Variants in CDH4 observed in about 807,000 individuals in gnomAD.
CDH4 encodes the protein cadherin 4.
In CDH4, 33 loss-of-function variants were observed where a neutral mutation model predicts 86.0. The observed-to-expected ratio is 0.38, with a 90% CI of 0.29 to 0.51. CDH4 has a LOEUF of 0.51. CDH4 is among the 20% of genes least tolerant of loss of function. The pLI is 0.86. For missense variants in CDH4, 1,114 were observed against 1,307.4 expected (o/e 0.85, Z 2.28); for synonymous variants, 555 against 549.4 (o/e 1.01, Z -0.14).
At chr20:61,715,247 A>G (rs1332186182) in intron 2 of CDH4, among the ~76,000 whole-genome samples, 4 of 152,168 alleles carry the variant, frequency 2.6e-5, no homozygotes, top group African/African-American at 9.7e-5. Flanking sequence ...CTCACTTTTG[A>G]TGGGATTGTT....
intron 7 of CDH4, among the ~76,000 whole-genome samples, chr20:61,884,918 A>G (rs1984472640): frequency 6.6e-6 from 1 of 152,080 alleles, no homozygotes; most frequent in African/African-American, 2.4e-5. Flanking sequence ...CCGGGCTAAG[A>G]GTAGGCATAG....
intron 3 of CDH4, among the ~76,000 whole-genome samples, chr20:61,745,166 G>A (rs985738839): frequency 3.3e-5 from 5 of 152,218 alleles, no homozygotes; most frequent in East Asian, 3.9e-4. Context: ...AAGGGCCCTC[G>A]GGAAGTAAAG....
At chr20:61,275,568 C>G (rs1338211627) in intron 2 of CDH4, among the ~76,000 whole-genome samples, 3 of 73,486 alleles carry the variant, frequency 4.1e-5, no homozygotes, top group African/African-American at 5.7e-5. Context: ...GGGGAGTACC[C>G]TGCGCAGTTT....
intron 2 of CDH4, among the ~76,000 whole-genome samples, chr20:61,498,329 C>T (rs1487057788): frequency 6.6e-6 from 1 of 152,200 alleles, no homozygotes; most frequent in Non-Finnish European, 1.5e-5. Flanking sequence ...AAAGGAGTTT[C>T]AGAATGTTCT....
intron 3 of CDH4, among the ~76,000 whole-genome samples, chr20:61,758,634 C>T (rs1167285246): frequency 6.6e-6 from 1 of 152,206 alleles, no homozygotes; most frequent in African/African-American, 2.4e-5. Context: ...GGCATGACCT[C>T]AGGACTGCAC....
intron 2 of CDH4, among the ~76,000 whole-genome samples, chr20:61,288,301 T>C (rs905000357): frequency 1.3e-5 from 2 of 152,222 alleles, no homozygotes; most frequent in Non-Finnish European, 2.9e-5. Context: ...AGTTGAACTA[T>C]GTAACCTGTT....
Position 61,661,222 on chromosome 20 carries a change from C to T in CDH4, c.170-82341C>T, listed in dbSNP as rs146437937. The stretch of plus-strand genomic sequence containing the variant: ...GGCTGTCACCGTCAGCCGGTGGTTC[C>T]GCCCGTCTGGGAGCTGGGAGGCCAG... On this transcript the variant is annotated intron_variant, in intron 2 of 15. Transcript: ENST00000614565. Among the ~76,000 whole-genome samples the T allele has an allele frequency of 4.2e-3, 633 of 152,266 alleles. 3 individuals are homozygous for T. Among genetic ancestry groups the T allele is most frequent in the African/African-American group, 0.014 (585 of 41,552 alleles).
chr20:61,730,278 T>C (rs1187278402), intron 2 of CDH4, among the ~76,000 whole-genome samples: 1 of 152,152 alleles, frequency 6.6e-6, no homozygotes, highest in Non-Finnish European at 1.5e-5. Context: ...ACTGCAGACC[T>C]CACAGTGCTG....
chr20:61,669,623 T>A (rs1191620813), intron 2 of CDH4, among the ~76,000 whole-genome samples: 1 of 152,218 alleles, frequency 6.6e-6, no homozygotes, highest in Admixed American at 6.5e-5. Context: ...GTGTGTAATG[T>A]TCCTGGAGAA....
At chr20:61,589,040 C>T (rs1159051054) in intron 2 of CDH4, among the ~76,000 whole-genome samples, 2 of 152,184 alleles carry the variant, frequency 1.3e-5, no homozygotes, top group African/African-American at 2.4e-5. Flanking sequence ...TGTGTGGACC[C>T]CTACATCTGA....
chr20:61,265,764 CTGGCATGAGCTGTGGG>C (rs1385766366), intron 2 of CDH4, among the ~76,000 whole-genome samples: 4 of 152,216 alleles, frequency 2.6e-5, no homozygotes, highest in Non-Finnish European at 5.9e-5. Context: ...ATTGAGTGAC[CTGGCATGAGCTGTGGG>C]TCAGGGAGGT....
chr20:61,354,274 G>A (rs150545220), intron 2 of CDH4, among the ~76,000 whole-genome samples: 7 of 152,156 alleles, frequency 4.6e-5, no homozygotes, highest in Non-Finnish European at 1.0e-4. Context: ...GGGAGAGGGC[G>A]GTTTTCCAGA....
chr20:61,588,121 G>A (rs2086492059), intron 2 of CDH4, among the ~76,000 whole-genome samples: 1 of 152,170 alleles, frequency 6.6e-6, no homozygotes, highest in Non-Finnish European at 1.5e-5. Flanking sequence ...CAGAGACTTA[G>A]CCAAGCGCTT....
At position 61,501,291 on chromosome 20, in the gene CDH4, A is replaced by G. The variant is rs1358757251; in HGVS notation, c.170-242272A>G. On this transcript the variant is annotated intron_variant, in intron 2 of 15. Coordinates refer to ENST00000614565, the MANE Select transcript of CDH4 (RefSeq NM_001794.5). This position sits in a 1 kb window ranked among gnomAD's most constrained non-coding sequence, Gnocchi z 4.2. ...TGAAGCCTGCAGCCTGCGATAATAC[A>G]GCTAATACATTATTGCCTCTGGCTT... is the stretch of plus-strand genomic sequence containing the variant. Among the ~76,000 whole-genome samples the G allele has an allele frequency of 6.6e-6, 1 of 152,196 alleles. No homozygotes were observed. The highest frequency in any genetic ancestry group is 1.5e-5 in the Non-Finnish European group (1 of 68,046).
At chr20:61,545,961 CGTGTGTGTGT>C (rs149485653) in intron 2 of CDH4, among the ~76,000 whole-genome samples, 1 of 48,334 alleles carries the variant, frequency 2.1e-5, no homozygotes, top group Non-Finnish European at 3.8e-5. Flanking sequence ...GGTGTGTGTT[CGTGTGTGTGT>C]GTGTGTGTGT....
chr20:61,794,681 C>T (rs1979431569), intron 4 of CDH4, among the ~76,000 whole-genome samples: 1 of 152,206 alleles, frequency 6.6e-6, no homozygotes, highest in African/African-American at 2.4e-5. Context: ...CTCCATGACT[C>T]TCCCCCAAAC....
At chr20:61,618,645 C>A (rs151210086) in intron 2 of CDH4, among the ~76,000 whole-genome samples, 2 of 152,194 alleles carry the variant, frequency 1.3e-5, no homozygotes, top group Non-Finnish European at 2.9e-5. Flanking sequence ...AGCAATTCAG[C>A]GGTGCTGGGC....
intron 4 of CDH4, among the ~76,000 whole-genome samples, chr20:61,821,872 T>A (rs954617369): frequency 7.2e-5 from 11 of 152,206 alleles, no homozygotes; most frequent in Admixed American, 5.2e-4. Context: ...CATTAATGAG[T>A]AACACACCCT....
intron 2 of CDH4, among the ~76,000 whole-genome samples, chr20:61,449,920 A>G (rs6062121): frequency 0.18 from 27,032 of 152,160 alleles, 2,497 homozygotes; most frequent in Non-Finnish European, 0.2. Context: ...CAATTATCCT[A>G]TCATCAGATG....
Sources: gnomAD v4.1 joint callset for allele counts (sites outside exome capture counted in the v4.1 genomes callset) on GRCh38, gnomAD v4.1.1 for gene constraint, Gnocchi (gnomAD v3.1) non-coding constraint, MANE v1.5 for transcripts, NCBI Gene and HGNC (gene_info 2026-07-23, HGNC 2026-07-21) for gene names.